The following EYA1 variants were observed in gnomAD, a reference collection of about 807,000 sequenced individuals.
EYA1 encodes the protein protein phosphatase EYA1.
Under a neutral mutation model 82.0 loss-of-function variants are expected in EYA1, and 16 were observed. The ratio of observed to expected loss-of-function variants is 0.20; its 90% CI spans 0.13 to 0.30. The LOEUF (loss-of-function observed/expected upper bound fraction) is 0.30, where lower values mean the gene tolerates loss of function less well. Ranked by LOEUF, EYA1 falls within the 10% of genes least tolerant of loss-of-function variation. The probability of loss-of-function intolerance (pLI) is 1.00; values close to 1 mark genes in which losing one functional copy is unlikely to be tolerated. For missense variants in EYA1, 633 were observed against 730.7 expected (o/e 0.87, Z 1.54); for synonymous variants, 261 against 264.4 (o/e 0.99, Z 0.12).
chr8:71,339,053 T>C (rs75318169), intron 3 of EYA1, among the ~76,000 whole-genome samples: 8,248 of 152,266 alleles, frequency 0.054, 363 homozygotes, highest in African/African-American at 0.12. Context: ...CCATATTGGT[T>C]ATTAAAATGT....
In EYA1 at chr8:71,338,431, T is replaced by G. The variant is rs190946975; in HGVS notation, c.125-4257A>C. 3.4e-3 allele frequency among the ~76,000 whole-genome samples: 517 copies of G among 152,324 alleles called. 1 individual carries two copies. The highest frequency in any genetic ancestry group is 5.7e-3 in the Non-Finnish European group (385 of 68,012). On this transcript the variant is annotated intron_variant, in intron 3 of 17. Transcript: ENST00000340726. ...TTTTCTGACATTTTTTAGGGGAGGC[T>G]GGCCCATAAAAATGAGAAAACCATC...
chr8:71,219,505 AATACT>A (rs1809623507), intron 12 of EYA1, among the ~76,000 whole-genome samples: 1 of 152,230 alleles, frequency 6.6e-6, no homozygotes, highest in African/African-American at 2.4e-5. Flanking sequence ...TGAATAGAAA[AATACT>A]ATATTGTACA....
intron 7 of EYA1, among the ~76,000 whole-genome samples, chr8:71,310,127 G>T (rs1007092302): frequency 1.3e-5 from 2 of 152,180 alleles, no homozygotes; most frequent in African/African-American, 4.8e-5. Flanking sequence ...AAAACACTCA[G>T]AAAGGCATTC....
intron 2 of EYA1, among the ~76,000 whole-genome samples, chr8:71,490,934 G>T (rs561354250): frequency 6.6e-6 from 1 of 152,188 alleles, no homozygotes; most frequent in African/African-American, 2.4e-5. Context: ...ACTTCAATTG[G>T]ATACACTTAA....
intron 11 of EYA1, among the ~76,000 whole-genome samples, chr8:71,264,045 A>C (rs1388841914): frequency 6.6e-6 from 1 of 152,212 alleles, no homozygotes; most frequent in African/African-American, 2.4e-5. Context: ...TGGCCCGCAA[A>C]GCCTGAAATA....
chr8:71,427,004 G>A (rs1805277664), intron 2 of EYA1, among the ~76,000 whole-genome samples: 1 of 152,212 alleles, frequency 6.6e-6, no homozygotes, highest in African/African-American at 2.4e-5. Flanking sequence ...AGATTGTACA[G>A]TAGTATAAAT....
intron 17 of EYA1, among the ~76,000 whole-genome samples, chr8:71,209,241 A>G (rs553950826): frequency 2.0e-5 from 3 of 152,214 alleles, no homozygotes; most frequent in Non-Finnish European, 4.4e-5. Flanking sequence ...ATTCTCTTCA[A>G]CTCTCCAGGA....
chr8:71,297,122 T>C (rs1819682429), intron 9 of EYA1, among the ~76,000 whole-genome samples: 1 of 152,154 alleles, frequency 6.6e-6, no homozygotes, highest in African/African-American at 2.4e-5. Context: ...CATAAGATAA[T>C]GAAATTAAAA....
At chr8:71,232,580 G>T (rs1266509974) in intron 12 of EYA1, among the ~76,000 whole-genome samples, 1 of 152,196 alleles carries the variant, frequency 6.6e-6, no homozygotes, top group Non-Finnish European at 1.5e-5. Context: ...TGCAACTGGG[G>T]GTGGGAGGAG....
chr8:71,200,557 A>ATATATGTTATTGAGTGAT (rs371979241), intron 17 of EYA1, among the ~76,000 whole-genome samples: 1 of 151,712 alleles, frequency 6.6e-6, no homozygotes, highest in African/African-American at 2.4e-5. Context: ...GTGTATCTGT[A>ATATATGTTATTGAGTGAT]TATATGTTAT....
chr8:71,348,084 T>C (rs1563511052), intron 3 of EYA1, among the ~76,000 whole-genome samples: 1 of 152,162 alleles, frequency 6.6e-6, no homozygotes, highest in Non-Finnish European at 1.5e-5. Context: ...GATAATTTTT[T>C]CCTACCCAAA....
intron 3 of EYA1, among the ~76,000 whole-genome samples, chr8:71,337,762 A>C (rs1314956846): frequency 6.6e-6 from 1 of 152,278 alleles, no homozygotes; most frequent in East Asian, 1.9e-4. Context: ...TAGCAGTAGC[A>C]ATATTCTCTG....
At chr8:71,498,638 G>T (rs1419693080) in intron 2 of EYA1, among the ~76,000 whole-genome samples, 1 of 152,102 alleles carries the variant, frequency 6.6e-6, no homozygotes, top group Non-Finnish European at 1.5e-5. Flanking sequence ...CTCTTCACAT[G>T]TGAAGAGAAA....
Position 71,299,249 on chromosome 8 carries a change from A to G in EYA1, c.640-16T>C, listed in dbSNP as rs952072992. 6.2e-6 allele frequency: 10 copies of G among 1,612,636 alleles called. No individual in the cohort carries two copies. In the African/African-American group the frequency reaches 1.3e-4, roughly 22 times the overall value. On this transcript the variant is annotated splice_polypyrimidine_tract_variant and intron_variant, in intron 8 of 17. Coordinates refer to ENST00000340726, the MANE Select transcript of EYA1 (RefSeq NM_000503.6). ...ACGGATAGTCCTACCAAATCAAACC[A>G]CACAAGAATTGTCTGTCAAAATACT...
chr8:71,376,079 G>T lies in EYA1; in HGVS notation c.34-19568C>A, dbSNP rs575940243. Reference sequence around the variant, plus strand: ...AAAAATCAAATGCAGGTAAAATTTGGCAGACAGGGCTGTGTACGAAGCAGT... The same window carrying T: ...AAAAATCAAATGCAGGTAAAATTTGTCAGACAGGGCTGTGTACGAAGCAGT... On this transcript the variant is annotated intron_variant, in intron 2 of 18. Transcript: ENST00000643681. Among the ~76,000 whole-genome samples the T allele has an allele frequency of 5.9e-5, 9 of 152,334 alleles. No individual in the cohort carries two copies. The South Asian group carries it at 1.9e-3, about 32-fold the overall frequency.
chr8:71,336,225 T>C (rs1015602741), intron 3 of EYA1, among the ~76,000 whole-genome samples: 2 of 152,146 alleles, frequency 1.3e-5, no homozygotes, highest in Non-Finnish European at 2.9e-5. Flanking sequence ...GACTTTCCAA[T>C]AGTACAAGCT....
chr8:71,436,244 A>G (rs1455590096), intron 2 of EYA1, among the ~76,000 whole-genome samples: 1 of 152,140 alleles, frequency 6.6e-6, no homozygotes, highest in Non-Finnish European at 1.5e-5. Flanking sequence ...CCCATTGACT[A>G]CACAATGCAA....
intron 2 of EYA1, among the ~76,000 whole-genome samples, chr8:71,490,781 TG>T (rs1160097991): frequency 6.6e-6 from 1 of 152,174 alleles, no homozygotes; most frequent in Admixed American, 6.5e-5. Context: ...ATCCACAACT[TG>T]AAGAGCTGTT....
chr8:71,202,873 G>A (rs549565978), intron 17 of EYA1, among the ~76,000 whole-genome samples: 1 of 152,270 alleles, frequency 6.6e-6, no homozygotes, highest in South Asian at 2.1e-4. Flanking sequence ...CTAGAGGAGA[G>A]GAGGTGTCAA....
Sources: gnomAD v4.1 joint callset for allele counts (sites outside exome capture counted in the v4.1 genomes callset) on GRCh38, gnomAD v4.1.1 for gene constraint, MANE v1.5 for transcripts, NCBI Gene and HGNC (gene_info 2026-07-23, HGNC 2026-07-21) for gene names.